Variants in SLC4A8 observed in about 807,000 individuals in gnomAD.
SLC4A8 encodes the protein solute carrier family 4 member 8.
A neutral mutation model predicts 125.0 loss-of-function variants in SLC4A8; 40 were observed. That is an observed-to-expected ratio of 0.32 (90% CI 0.25 to 0.42). The LOEUF (loss-of-function observed/expected upper bound fraction) is 0.42. Among genes scored for constraint, SLC4A8 ranks in the 10% least tolerant of loss-of-function variants. SLC4A8 has a pLI of 1.00. For synonymous variants in SLC4A8, 456 were observed against 476.0 expected, an observed-to-expected ratio of 0.96 and a Z score of 0.55; for missense variants, 863 against 1,355.1, an observed-to-expected ratio of 0.64 and a Z score of 5.70.
chr12:51,453,571 G>T lies in SLC4A8; in HGVS notation c.446G>T (p.Gly149Val). Residue 149 changes from glycine (G) to valine (V), a missense_variant, in exon 5 of 25, where the codon GGG becomes GTG. Gly to Val is a moderately radical substitution (Grantham distance 109). Transcript: ENST00000453097. ...WLKFEEDVED[G>V]GERWSKPYVA... is the part of the protein sequence containing the mutation. ...AAGTTTGAAGAAGATGTTGAAGATG[G>T]GGGAGAACGCTGGAGCAAGCCTTAT... The T allele has an allele frequency of 6.2e-7, 1 of 1,614,118 alleles. No homozygotes were observed. Among genetic ancestry groups the T allele is most frequent in the Non-Finnish European group, 8.5e-7 (1 of 1,179,980 alleles).
intron 1 of SLC4A8, among the ~76,000 whole-genome samples, chr12:51,426,496 G>A (rs12231757): frequency 0.065 from 9,908 of 152,244 alleles, 440 homozygotes; most frequent in East Asian, 0.21. Context: ...TGCCATAAGC[G>A]TGTATAACAG....
intron 1 of SLC4A8, among the ~76,000 whole-genome samples, chr12:51,439,453 G>A (rs1949523464): frequency 6.6e-6 from 1 of 152,058 alleles, no homozygotes; most frequent in Non-Finnish European, 1.5e-5. Context: ...ATCAGGAAAG[G>A]CTTCCAAGTA....
At chr12:51,467,222 G>T (rs893311914) in intron 11 of SLC4A8, 1 of 152,110 alleles carries the variant, frequency 6.6e-6, no homozygotes, top group Non-Finnish European at 1.5e-5. Context: ...CTGAAGCATT[G>T]GTCCCAAACC....
At chr12:51,462,627 T>C in intron 10 of SLC4A8, 171 bp downstream of exon 10, 1 of 498,948 alleles carries the variant, frequency 2.0e-6, no homozygotes, top group African/African-American at 2.0e-5. Context: ...GTGTGGTGGC[T>C]CACACCTGTA....
At chr12:51,455,671 T>A (rs908709294) in intron 5 of SLC4A8, among the ~76,000 whole-genome samples, 6 of 152,204 alleles carry the variant, frequency 3.9e-5, no homozygotes, top group African/African-American at 1.4e-4. Context: ...TAAGAAATAT[T>A]TCTCCAAATC....
intron 1 of SLC4A8, among the ~76,000 whole-genome samples, chr12:51,395,617 A>G (rs983761341): frequency 3.3e-5 from 5 of 152,110 alleles, no homozygotes; most frequent in Admixed American, 6.5e-5. Flanking sequence ...CCTGCCCTTC[A>G]GGGGGAGGTG....
Position 51,474,352 on chromosome 12 carries a change from A to G in SLC4A8, c.1915A>G (p.Thr639Ala). ...AATTTTTCCCCTCAGCTGCAGGTGT[A>G]CTCTGCCAGAGAATCCAAACAATCA... ...DHLSLYYCRC[T>A]LPENPNNHTL... is the part of the protein sequence containing the mutation. The change falls in exon 15 of 25, where the codon ACT becomes GCT. Residue 639 changes from threonine (T) to alanine (A), a missense_variant. By Grantham distance (58) the Thr-to-Ala change is moderately conservative. Around this residue, in one of 6 missense-constraint regions of SLC4A8, gnomAD observed 76 missense variants for 80.2 expected, o/e 0.95. Transcript: ENST00000453097. 6.3e-7 allele frequency: 1 copy of G among 1,584,154 alleles called. No homozygotes were observed. The highest frequency in any genetic ancestry group is 8.7e-7 in the Non-Finnish European group (1 of 1,155,986).
chr12:51,395,844 A>G (rs1284512196), intron 1 of SLC4A8, among the ~76,000 whole-genome samples: 1 of 152,206 alleles, frequency 6.6e-6, no homozygotes, highest in East Asian at 1.9e-4. Context: ...GGGGTTGTTA[A>G]TGAAGCTCAA....
intron 12 of SLC4A8, 139 bp from the exon 13 acceptor site, chr12:51,470,253 A>G (rs999474233): frequency 2.8e-6 from 2 of 724,830 alleles, no homozygotes; most frequent in Non-Finnish European, 4.8e-6. Context: ...CATGGTGTGT[A>G]CACATCACTC....
rs77008142 is a variant in SLC4A8, at chr12:51,449,702, G to A, written c.131-1174G>A. 7.6e-4 allele frequency among the ~76,000 whole-genome samples: 116 copies of A among 152,262 alleles called. 3 individuals carry two copies. In the East Asian group the frequency reaches 0.021, roughly 28 times the overall value. On this transcript the variant is annotated intron_variant, in intron 2 of 24. Coordinates refer to ENST00000453097, the MANE Select transcript of SLC4A8 (RefSeq NM_001039960.3). ...GGAAGGCAAGGGAAAGCCAGGTAGA[G>A]GTGACAGAGATCTGGAAATCTGGAT...
intron 1 of SLC4A8, among the ~76,000 whole-genome samples, chr12:51,427,968 G>A (rs2138048408): frequency 6.6e-6 from 1 of 152,178 alleles, no homozygotes; most frequent in Middle Eastern, 3.4e-3. Context: ...CTTTATCATG[G>A]CCTACCAAGC....
intron 1 of SLC4A8, among the ~76,000 whole-genome samples, chr12:51,435,882 A>AT (rs1228124965): frequency 1.3e-5 from 2 of 152,142 alleles, no homozygotes; most frequent in African/African-American, 4.8e-5. Context: ...ATGACCAGCC[A>AT]TTTCTCCAGG....
chr12:51,494,654 AT>A (rs771013496), intron 20 of SLC4A8: 15 of 245,404 alleles, frequency 6.1e-5, no homozygotes, highest in Admixed American at 5.7e-4. Context: ...TAATTGGTTT[AT>A]TTTGTTTTCA....
chr12:51,484,646 T>C (rs1043654173), intron 16 of SLC4A8, among the ~76,000 whole-genome samples: 4 of 152,024 alleles, frequency 2.6e-5, no homozygotes, highest in African/African-American at 9.7e-5. Context: ...GTGGCTAAGA[T>C]ATGTTTTGCT....
chr12:51,443,682 C>T (rs998776150), intron 2 of SLC4A8, among the ~76,000 whole-genome samples: 1 of 152,096 alleles, frequency 6.6e-6, no homozygotes, highest in Non-Finnish European at 1.5e-5. Context: ...GCCATTTGGT[C>T]ATATTTATAA....
At chr12:51,503,715 A>C (rs1938038110) in intron 22 of SLC4A8, among the ~76,000 whole-genome samples, 1 of 152,212 alleles carries the variant, frequency 6.6e-6, no homozygotes, top group Admixed American at 6.5e-5. Flanking sequence ...CTCACCATTT[A>C]GATTTTGCTA....
At chr12:51,423,389 T>A (rs1948838751), upstream of SLC4A8, among the ~76,000 whole-genome samples, 2 of 152,036 alleles carry the variant, frequency 1.3e-5, no homozygotes, top group South Asian at 4.1e-4. Flanking sequence ...AAGATTTTGA[T>A]GGACAAAAAT....
rs563430563 is a variant in SLC4A8 at position 51,488,930 on chromosome 12, G to A, written c.2448+70G>A. The A allele has an allele frequency of 3.8e-4, 478 of 1,254,190 alleles. 6 individuals are homozygous for A. The South Asian group carries it at 6.1e-3, about 16-fold the overall frequency. 77.7% of individuals were successfully genotyped at this position (1,254,190 alleles called of 1,614,324 possible). A position where few individuals can be genotyped will look rare whatever the true frequency, so the allele number is the denominator to read the frequency against. On this transcript the variant is annotated intron_variant, in intron 18 of 24. Transcript: ENST00000453097. ...ACATTTTCGTAAAATTTTAGGGTAAGCACATCTAGACCAGAAATTGTAGAA... is the reference window on the plus strand; with the variant it reads ...ACATTTTCGTAAAATTTTAGGGTAAACACATCTAGACCAGAAATTGTAGAA...
chr12:51,476,846 A>G (rs1950868979), intron 16 of SLC4A8, among the ~76,000 whole-genome samples: 1 of 151,626 alleles, frequency 6.6e-6, no homozygotes, highest in Non-Finnish European at 1.5e-5. Flanking sequence ...TTCATTGCAC[A>G]CAATAATTTC....
Sources: gnomAD v4.1 joint callset for allele counts (sites outside exome capture counted in the v4.1 genomes callset) on GRCh38, gnomAD v4.1.1 for gene constraint, gnomAD v4.1.1 regional missense constraint, MANE v1.5 for transcripts, NCBI Gene and HGNC (gene_info 2026-07-23, HGNC 2026-07-21) for gene names.